SVBP: variants seen among roughly 807,000 people sequenced by gnomAD.
The protein encoded by SVBP is small vasohibin binding protein, also known as small vasohibin-binding protein.
A neutral mutation model predicts 9.2 loss-of-function variants in SVBP; 9 were observed. The ratio of observed to expected loss-of-function variants is 0.98; its 90% CI spans 0.59 to 1.71. The LOEUF is 1.71. Among genes scored for constraint, SVBP ranks in the 40% most tolerant of loss-of-function variants. The pLI, the probability that SVBP is intolerant of heterozygous loss-of-function variation, is 0.00. For synonymous variants in SVBP, 27 were observed against 23.9 expected, an observed-to-expected ratio of 1.13 and a Z score of -0.37; for missense variants, 63 against 73.2, an observed-to-expected ratio of 0.86 and a Z score of 0.51.
chr1:42,817,286 A>G lies in SVBP; in HGVS notation c.-133T>C. 2 of 1,215,682 alleles carry G rather than the reference A, an allele frequency of 1.6e-6. No homozygotes were observed. The highest frequency in any genetic ancestry group is 2.2e-4 in the Middle Eastern group (1 of 4,480). The allele number at this position is 1,215,682 out of a possible 1,614,324, so 75.3% of individuals were successfully genotyped here. ...TCGCCTTCCCCCGACCACTGGACCC[A>G]GCGCTGCCTGCCCACCGCCCCTCGT... On this transcript the variant is annotated 5_prime_UTR_variant, in exon 1 of 3. Coordinates refer to ENST00000372521, the MANE Select transcript of SVBP (RefSeq NM_199342.4).
At chr1:42,811,511 C>A (rs995151014) in intron 2 of SVBP, among the ~76,000 whole-genome samples, 2 of 152,194 alleles carry the variant, frequency 1.3e-5, no homozygotes, top group African/African-American at 4.8e-5. Flanking sequence ...AGCAGGTCAA[C>A]AGGAACTCAG....
chr1:42,807,519 T>C lies in SVBP; in HGVS notation c.115-19A>G, dbSNP rs1653987342. The C allele has an allele frequency of 6.3e-7, 1 of 1,587,282 alleles. No individual in the cohort carries two copies. On this transcript the variant is annotated intron_variant, in intron 2 of 2. Coordinates refer to ENST00000372521, the MANE Select transcript of SVBP (RefSeq NM_199342.4). Reference sequence around the variant, plus strand: ...CATAGATCTGAATGAGAGAAAGAGATACATCTGTTAGCAATGGAAGCAGCT... The same window carrying C: ...CATAGATCTGAATGAGAGAAAGAGACACATCTGTTAGCAATGGAAGCAGCT...
At chr1:42,813,756 T>A (rs956005921) in intron 2 of SVBP, 4 of 526,266 alleles carry the variant, frequency 7.6e-6, no homozygotes, top group Non-Finnish European at 1.6e-5. Context: ...ATGGTTTTCT[T>A]ATCTGTAGCT....
In SVBP at chr1:42,817,279, TG is replaced by T; in HGVS notation, c.-127del. 1 of 1,228,964 alleles carries T rather than the reference TG, an allele frequency of 8.1e-7. No homozygotes were observed. The highest frequency in any genetic ancestry group is 2.2e-4 in the Middle Eastern group (1 of 4,524). 76.1% of individuals were successfully genotyped at this position (1,228,964 alleles called of 1,614,324 possible). ...GTAATCCTCGCCTTCCCCCGACCAC[TG>T]GACCCAGCGCTGCCTGCCCACCGCC... On this transcript the variant is annotated 5_prime_UTR_variant, in exon 1 of 3. Coordinates refer to ENST00000372521, the MANE Select transcript of SVBP (RefSeq NM_199342.4).
intron 2 of SVBP, among the ~76,000 whole-genome samples, chr1:42,810,211 C>T (rs1021793371): frequency 6.6e-6 from 1 of 152,044 alleles, no homozygotes; most frequent in Admixed American, 6.6e-5. Flanking sequence ...TGCAGTGACC[C>T]GATCTCAGCT....
At chr1:42,815,883 G>C (rs905697802) in intron 2 of SVBP, among the ~76,000 whole-genome samples, 2 of 152,100 alleles carry the variant, frequency 1.3e-5, no homozygotes, top group African/African-American at 2.4e-5. Flanking sequence ...AAAACAAAGA[G>C]GGAAAAAGAG....
intron 2 of SVBP, among the ~76,000 whole-genome samples, chr1:42,811,053 T>G (rs895968242): frequency 6.6e-6 from 1 of 152,090 alleles, no homozygotes; most frequent in African/African-American, 2.4e-5. Flanking sequence ...ACAGGAGAAT[T>G]GCTTGAACCT....
chr1:42,808,797 A>T (rs1323171026), intron 2 of SVBP, among the ~76,000 whole-genome samples: 1 of 151,980 alleles, frequency 6.6e-6, no homozygotes, highest in Non-Finnish European at 1.5e-5. Flanking sequence ...CCCAAGTTCA[A>T]GCATTTCTCC....
In SVBP at chr1:42,814,328, G is replaced by C. The variant is rs532041381; in HGVS notation, c.114+2103C>G. The stretch of plus-strand genomic sequence containing the variant: ...CTTGATCTCATGATCCGCCTGCCTC[G>C]GACTCCCAAAGTGCTGGGATTACAG... On this transcript the variant is annotated intron_variant, in intron 2 of 2. Coordinates refer to ENST00000372521, the MANE Select transcript of SVBP (RefSeq NM_199342.4). 8.9e-3 allele frequency among the ~76,000 whole-genome samples: 1,344 copies of C among 151,574 alleles called. 21 individuals carry two copies. The highest frequency in any genetic ancestry group is 0.013 in the Non-Finnish European group (902 of 67,836).
intron 2 of SVBP, among the ~76,000 whole-genome samples, chr1:42,810,626 G>A (rs1438957426): frequency 2.0e-5 from 3 of 152,116 alleles, no homozygotes; most frequent in Non-Finnish European, 4.4e-5. Context: ...CAATGGGTCA[G>A]GGTGTCCAGG....
Position 42,807,153 on chromosome 1 carries a change from G to GTTTT in SVBP, c.*257_*260dup, listed in dbSNP as rs142694785. ...AATAGAAAAAGTGTTTTTTGTGTGT[G>GTTTT]TTTTTTTTTTTTTTTTAAAAAAACC... On this transcript the variant is annotated 3_prime_UTR_variant, in exon 3 of 3. Coordinates refer to ENST00000372521, the MANE Select transcript of SVBP (RefSeq NM_199342.4). The GTTTT allele has an allele frequency of 1.5e-4, 27 of 181,090 alleles. No homozygotes were observed. Among genetic ancestry groups the GTTTT allele is most frequent in the Non-Finnish European group, 2.0e-4 (19 of 93,604 alleles). 11.2% of individuals were successfully genotyped at this position (181,090 alleles called of 1,614,324 possible).
intron 2 of SVBP, chr1:42,816,166 A>G: frequency 2.5e-6 from 1 of 398,736 alleles, no homozygotes; most frequent in Admixed American, 4.5e-5. Context: ...CTTACATATC[A>G]TTTTTTTTCC....
chr1:42,817,233 G>T lies in SVBP; in HGVS notation c.-80C>A, dbSNP rs1004312450. 1 of 1,254,864 alleles carries T rather than the reference G, an allele frequency of 8.0e-7. No individual in the cohort carries two copies. Among genetic ancestry groups the T allele is most frequent in the Non-Finnish European group, 1.0e-6 (1 of 973,294 alleles). The allele number at this position is 1,254,864 out of a possible 1,614,324, so 77.7% of individuals were successfully genotyped here. ...TGGAAGTTGGAGCCTCCGCCGAGTC[G>T]CAGACAACGCCTCCGGGAGGGTAAT... On this transcript the variant is annotated 5_prime_UTR_variant, in exon 1 of 3. Transcript: ENST00000372521.
intron 2 of SVBP, among the ~76,000 whole-genome samples, chr1:42,809,803 T>TA (rs2124243680): frequency 6.6e-6 from 1 of 152,208 alleles, no homozygotes; most frequent in East Asian, 1.9e-4. Flanking sequence ...CTTGAATGGT[T>TA]AAAAAAAGGC....
At chr1:42,809,943 G>A (rs1654042679) in intron 2 of SVBP, among the ~76,000 whole-genome samples, 1 of 152,074 alleles carries the variant, frequency 6.6e-6, no homozygotes, top group Non-Finnish European at 1.5e-5. Context: ...AGAATGATTA[G>A]CATAAAATAC....
chr1:42,813,679 C>T (rs576330717), intron 2 of SVBP: 87 of 532,478 alleles, frequency 1.6e-4, no homozygotes, highest in African/African-American at 1.3e-3. Flanking sequence ...TTGTTGTACA[C>T]GGAAGTATAG....
chr1:42,815,163 A>T (rs1215893109), intron 2 of SVBP, among the ~76,000 whole-genome samples: 1 of 146,406 alleles, frequency 6.8e-6, no homozygotes, highest in Non-Finnish European at 1.5e-5. Context: ...GTGGGAACTG[A>T]ACAATGAGAA....
chr1:42,811,239 T>C (rs1654078008), intron 2 of SVBP, among the ~76,000 whole-genome samples: 1 of 152,204 alleles, frequency 6.6e-6, no homozygotes, highest in Non-Finnish European at 1.5e-5. Context: ...AGAAGATGTT[T>C]AGACCACAGG....
intron 2 of SVBP, among the ~76,000 whole-genome samples, chr1:42,811,654 T>A (rs930434637): frequency 6.6e-6 from 1 of 152,192 alleles, no homozygotes; most frequent in African/African-American, 2.4e-5. Flanking sequence ...GCTTTACACG[T>A]GGTATTTCTA....
Sources: gnomAD v4.1 joint callset for allele counts (sites outside exome capture counted in the v4.1 genomes callset) on GRCh38, gnomAD v4.1.1 for gene constraint, MANE v1.5 for transcripts, NCBI Gene and HGNC (gene_info 2026-07-23, HGNC 2026-07-21) for gene names.